Variants in PTPRG observed in about 807,000 individuals in gnomAD.
PTPRG encodes receptor-type tyrosine-protein phosphatase gamma.
A neutral mutation model predicts 165.3 loss-of-function variants in PTPRG; 102 were observed. The observed-to-expected ratio is 0.62, with a 90% CI of 0.53 to 0.73. The LOEUF (loss-of-function observed/expected upper bound fraction) is 0.73. Among genes scored for constraint, PTPRG ranks in the 30% least tolerant of loss-of-function variants. The pLI is 0.00. For missense variants in PTPRG, 1,866 were observed against 1,861.4 expected (o/e 1.00, Z -0.05); for synonymous variants, 675 against 669.5 (o/e 1.01, Z -0.13).
At chr3:62,078,381 A>C in intron 5 of PTPRG, 123 bp downstream of exon 5, 1 of 626,824 alleles carries the variant, frequency 1.6e-6, no homozygotes, top group Non-Finnish European at 2.7e-6. Flanking sequence ...AATGAAAGAT[A>C]TTTCATATTG....
At chr3:62,277,481 A>G (rs1702268387) in intron 25 of PTPRG, 70 bp from the exon 26 acceptor site, 2 of 1,511,494 alleles carry the variant, frequency 1.3e-6, no homozygotes, top group Admixed American at 1.7e-5. Context: ...TTTCATGAAT[A>G]TATTTTACTA....
intron 1 of PTPRG, among the ~76,000 whole-genome samples, chr3:61,601,037 T>A (rs575189683): frequency 6.6e-6 from 1 of 152,290 alleles, no homozygotes; most frequent in South Asian, 2.1e-4. Flanking sequence ...GGCAGATCAC[T>A]TGAGGTCGGG....
At chr3:61,758,187 G>C (rs919108368) in intron 2 of PTPRG, among the ~76,000 whole-genome samples, 1 of 151,226 alleles carries the variant, frequency 6.6e-6, no homozygotes, top group East Asian at 1.9e-4. Context: ...ATTTCACCTT[G>C]TTGGCCAGGC....
intron 2 of PTPRG, among the ~76,000 whole-genome samples, chr3:61,762,888 T>C (rs906841983): frequency 3.3e-5 from 5 of 152,062 alleles, no homozygotes; most frequent in Non-Finnish European, 1.5e-5. Flanking sequence ...CCATCCTTAG[T>C]GGGTAGGCTT....
chr3:61,809,486 C>CA (rs2107203050), intron 2 of PTPRG, among the ~76,000 whole-genome samples: 1 of 152,052 alleles, frequency 6.6e-6, no homozygotes, highest in South Asian at 2.1e-4. Context: ...GTGTCTGACA[C>CA]ACAGAAGATA....
chr3:61,929,873 G>A (rs1267265278), intron 2 of PTPRG, among the ~76,000 whole-genome samples: 2 of 152,106 alleles, frequency 1.3e-5, no homozygotes, highest in Non-Finnish European at 2.9e-5. Context: ...TATTTCATTT[G>A]TACCATATGC....
chr3:61,795,378 C>T (rs1043043298), intron 2 of PTPRG, among the ~76,000 whole-genome samples: 1 of 152,020 alleles, frequency 6.6e-6, no homozygotes, highest in Admixed American at 6.6e-5. Flanking sequence ...CATGATGGCT[C>T]ACACCTATAA....
At chr3:62,239,949 A>G (rs572675764) in intron 14 of PTPRG, among the ~76,000 whole-genome samples, 1 of 152,228 alleles carries the variant, frequency 6.6e-6, no homozygotes, top group East Asian at 1.9e-4. Flanking sequence ...TGTACATGCA[A>G]AGGGACCATC....
chr3:61,678,982 C>T lies in PTPRG; in HGVS notation c.86-69896C>T, dbSNP rs79269757. ...CTGCAATAATGGCTTTTTTTCCCCC[C>T]GTTAAGTGACGACAGTCATCCTAAG... On this transcript the variant is annotated intron_variant, in intron 1 of 29. Coordinates refer to ENST00000474889, the MANE Select transcript of PTPRG (RefSeq NM_002841.4). 3.9e-3 allele frequency among the ~76,000 whole-genome samples: 586 copies of T among 151,922 alleles called. 17 individuals carry two copies. The East Asian group carries it at 0.076, about 20-fold the overall frequency.
chr3:61,646,832 C>G (rs1702214230), intron 1 of PTPRG, among the ~76,000 whole-genome samples: 1 of 152,144 alleles, frequency 6.6e-6, no homozygotes, highest in Admixed American at 6.5e-5. Flanking sequence ...AATTACTAAC[C>G]CATTGTTATT....
At chr3:61,711,381 C>G (rs964043551) in intron 1 of PTPRG, among the ~76,000 whole-genome samples, 5 of 152,224 alleles carry the variant, frequency 3.3e-5, no homozygotes, top group Admixed American at 3.3e-4. Context: ...AATTCACACT[C>G]CCACCAACAG....
intron 1 of PTPRG, among the ~76,000 whole-genome samples, chr3:61,638,826 ATGC>A: frequency 6.6e-6 from 1 of 152,132 alleles, no homozygotes; most frequent in Middle Eastern, 3.4e-3. Flanking sequence ...TATTGGTCAG[ATGC>A]ATATTTGCAA....
At chr3:62,108,843 T>C (rs1298722560) in intron 5 of PTPRG, among the ~76,000 whole-genome samples, 1 of 152,198 alleles carries the variant, frequency 6.6e-6, no homozygotes. Flanking sequence ...TAAATGTCTT[T>C]TGAGAAGTGT....
intron 1 of PTPRG, among the ~76,000 whole-genome samples, chr3:61,727,453 A>G (rs1216339675): frequency 6.6e-6 from 1 of 152,212 alleles, no homozygotes; most frequent in East Asian, 1.9e-4. Context: ...TGCCCGGCCC[A>G]TATCAAAAAG....
intron 2 of PTPRG, among the ~76,000 whole-genome samples, chr3:61,806,862 T>C (rs2035434078): frequency 6.6e-6 from 1 of 152,224 alleles, no homozygotes; most frequent in Non-Finnish European, 1.5e-5. Flanking sequence ...GGTTTCATAC[T>C]CCGTGGCTTG....
At chr3:61,735,209 T>G (rs2032672167) in intron 1 of PTPRG, among the ~76,000 whole-genome samples, 1 of 152,186 alleles carries the variant, frequency 6.6e-6, no homozygotes, top group Non-Finnish European at 1.5e-5. Flanking sequence ...TAGCGAAAAT[T>G]TTTATGTGGT....
At chr3:61,676,232 C>T (rs1008391835) in intron 1 of PTPRG, among the ~76,000 whole-genome samples, 1 of 151,412 alleles carries the variant, frequency 6.6e-6, no homozygotes, top group Non-Finnish European at 1.5e-5. Context: ...CTGAGGTGGG[C>T]AGATCACGAG....
intron 1 of PTPRG, among the ~76,000 whole-genome samples, chr3:61,609,625 GT>G (rs1701110809): frequency 6.6e-6 from 1 of 152,180 alleles, no homozygotes; most frequent in Admixed American, 6.5e-5. Context: ...GTGAGGCCGA[GT>G]TGGGTGGATT....
chr3:61,689,534 G>A (rs1284821430), intron 1 of PTPRG, among the ~76,000 whole-genome samples: 1 of 152,212 alleles, frequency 6.6e-6, no homozygotes, highest in Non-Finnish European at 1.5e-5. Context: ...GAAACAGTGA[G>A]AGGGCTATGT....
Sources: gnomAD v4.1 joint callset for allele counts (sites outside exome capture counted in the v4.1 genomes callset) on GRCh38, gnomAD v4.1.1 for gene constraint, MANE v1.5 for transcripts, NCBI Gene and HGNC (gene_info 2026-07-23, HGNC 2026-07-21) for gene names.